Variants in PRKAR1B observed in about 807,000 individuals in gnomAD.
PRKAR1B encodes the protein cAMP-dependent protein kinase type I-beta regulatory subunit.
In PRKAR1B, 22 loss-of-function variants were observed where a neutral mutation model predicts 46.5. The observed-to-expected ratio is 0.47, with a 90% CI of 0.34 to 0.68. The LOEUF (loss-of-function observed/expected upper bound fraction) is 0.68. Among genes scored for constraint, PRKAR1B ranks in the 30% least tolerant of loss-of-function variants. The pLI is 0.01. For missense variants in PRKAR1B, 445 were observed against 535.6 expected, an observed-to-expected ratio of 0.83 and a Z score of 1.67; for synonymous variants, 259 against 217.7, an observed-to-expected ratio of 1.19 and a Z score of -1.67.
chr7:581,302 CAAAAAA>C (rs758386135), intron 8 of PRKAR1B, among the ~76,000 whole-genome samples: 40,581 of 102,806 alleles, frequency 0.39, 6,710 homozygotes, highest in Non-Finnish European at 0.46. Context: ...CACTCTGTCT[CAAAAAA>C]AAAAAAAAAA....
intron 7 of PRKAR1B, among the ~76,000 whole-genome samples, chr7:586,027 G>C (rs1198649921): frequency 6.6e-6 from 1 of 152,114 alleles, no homozygotes; most frequent in Non-Finnish European, 1.5e-5. Flanking sequence ...TTCTGAACAT[G>C]TCCCTCCCCT....
At chr7:665,836 G>A (rs1487487163) in intron 4 of PRKAR1B, among the ~76,000 whole-genome samples, 2 of 152,192 alleles carry the variant, frequency 1.3e-5, no homozygotes, top group South Asian at 2.1e-4. Flanking sequence ...CTGAGGATCC[G>A]AGCCAGTTTG....
intron 7 of PRKAR1B, among the ~76,000 whole-genome samples, chr7:591,782 G>C (rs1780992220): frequency 6.6e-6 from 1 of 152,168 alleles, no homozygotes; most frequent in Admixed American, 6.5e-5. Flanking sequence ...GGTGATGCCT[G>C]ACCCTCCCCA....
intron 4 of PRKAR1B, among the ~76,000 whole-genome samples, chr7:623,452 G>A (rs959914167): frequency 3.3e-4 from 51 of 152,286 alleles, no homozygotes; most frequent in African/African-American, 1.2e-3. Flanking sequence ...AGCCAGAACC[G>A]ATCACCCACC....
intron 4 of PRKAR1B, among the ~76,000 whole-genome samples, chr7:665,341 C>T (rs567988686): frequency 2.6e-5 from 4 of 152,178 alleles, no homozygotes; most frequent in Non-Finnish European, 5.9e-5. Flanking sequence ...GGTGGCCCGA[C>T]GCAGCCTGCT....
intron 7 of PRKAR1B, among the ~76,000 whole-genome samples, chr7:594,359 C>T (rs1050336673): frequency 2.6e-5 from 4 of 152,266 alleles, no homozygotes; most frequent in South Asian, 2.1e-4. Context: ...CCTCCTCGGC[C>T]GGGCTGGACC....
chr7:715,379 G>A (rs1329887057), intron 1 of PRKAR1B, among the ~76,000 whole-genome samples: 3 of 152,158 alleles, frequency 2.0e-5, no homozygotes, highest in South Asian at 4.2e-4. Context: ...GAGGAGCTGC[G>A]CTTGGTCATC....
At chr7:669,166 T>C (rs781056355) in intron 4 of PRKAR1B, among the ~76,000 whole-genome samples, 4 of 152,214 alleles carry the variant, frequency 2.6e-5, no homozygotes, top group Non-Finnish European at 5.9e-5. Context: ...AGAGCATTGA[T>C]ACATGCTATG....
chr7:711,354 C>T lies in PRKAR1B; in HGVS notation c.152G>A (p.Arg51Gln), dbSNP rs1780617318. The T allele has an allele frequency of 6.2e-7, 1 of 1,614,172 alleles. No individual in the cohort carries two copies. Among genetic ancestry groups the T allele is most frequent in the South Asian group, 1.1e-5 (1 of 91,082 alleles). Reference protein sequence around the residue: ...SKPERPMKFLREHFEKLEKEE... With the variant: ...SKPERPMKFLQEHFEKLEKEE... ...CTTCTCCAGCTTCTCGAAGTGCTCC[C>T]GGAGGAACTTCATGGGGCGTTCGGG... Residue 51 changes from arginine (R) to glutamine (Q), a missense_variant, in exon 2 of 11, where the codon CGG (arginine) becomes CAG (glutamine). This residue lies in a region of PRKAR1B where 155 missense variants were observed against 127.5 expected (regional missense o/e 1.22). Coordinates refer to ENST00000537384, the MANE Select transcript of PRKAR1B (RefSeq NM_001164760.2).
At chr7:647,066 C>T (rs904616073) in intron 4 of PRKAR1B, among the ~76,000 whole-genome samples, 5 of 152,290 alleles carry the variant, frequency 3.3e-5, no homozygotes, top group East Asian at 3.9e-4. Flanking sequence ...GGGCATGGGA[C>T]GCAACATGGC....
chr7:560,389 T>TAATAATAATAATAATAATAAA lies in PRKAR1B; in HGVS notation c.892-8920_892-8919insTTTATTATTATTATTATTATT, dbSNP rs917607162. Among the ~76,000 whole-genome samples, 5 of 146,218 alleles carry TAATAATAATAATAATAATAAA rather than the reference T, an allele frequency of 3.4e-5. No individual in the cohort carries two copies. Among genetic ancestry groups the TAATAATAATAATAATAATAAA allele is most frequent in the African/African-American group, 1.3e-4 (5 of 38,970 alleles). On this transcript the variant is annotated intron_variant, in intron 9 of 10. Coordinates refer to ENST00000537384, the MANE Select transcript of PRKAR1B (RefSeq NM_001164760.2). This position sits in a 1 kb window ranked among gnomAD's most constrained non-coding sequence, Gnocchi z 4.2. ...ATAATAATAATAATAATAATAATAA[T>TAATAATAATAATAATAATAAA]AAATATATTTTAAAAGAAACTTTGT... is the stretch of plus-strand genomic sequence containing the variant.
chr7:694,556 A>G (rs1266985485), intron 2 of PRKAR1B, among the ~76,000 whole-genome samples: 1 of 151,928 alleles, frequency 6.6e-6, no homozygotes, highest in Non-Finnish European at 1.5e-5. Flanking sequence ...TCCTACATAT[A>G]CTTTAAAGCC....
chr7:712,674 G>T (rs1225782880), intron 1 of PRKAR1B: 1 of 102,256 alleles, frequency 9.8e-6, no homozygotes, highest in Non-Finnish European at 2.0e-5. Flanking sequence ...CCCCACCGGC[G>T]CAGGTTCAGG....
chr7:571,478 G>C (rs917887727), intron 9 of PRKAR1B, among the ~76,000 whole-genome samples: 1 of 152,222 alleles, frequency 6.6e-6, no homozygotes, highest in Admixed American at 6.5e-5. Context: ...CAGGCCCAAG[G>C]GCAGCTTTGC....
chr7:623,835 G>A (rs1783238172), intron 4 of PRKAR1B, among the ~76,000 whole-genome samples: 3 of 152,220 alleles, frequency 2.0e-5, no homozygotes, highest in Admixed American at 6.5e-5. Flanking sequence ...AGAGAAGCGC[G>A]TGAATGGCCA....
In PRKAR1B at chr7:714,133, A is replaced by G. The variant is rs1264657210; in HGVS notation, c.-22-2606T>C. On this transcript the variant is annotated intron_variant, in intron 1 of 10. Transcript: ENST00000537384. This position sits in a 1 kb window ranked among gnomAD's most constrained non-coding sequence, Gnocchi z 4.3. The stretch of plus-strand genomic sequence containing the variant: ...CCTGCTCCTCCAGGGTAGACTGGTG[A>G]GGACAGCAAAAAAGACCCAGGTGCC... Among the ~76,000 whole-genome samples the G allele has an allele frequency of 1.3e-5, 2 of 152,096 alleles. No homozygotes were observed. Among genetic ancestry groups the G allele is most frequent in the African/African-American group, 4.8e-5 (2 of 41,400 alleles).
intron 2 of PRKAR1B, among the ~76,000 whole-genome samples, chr7:681,406 T>C (rs1778678875): frequency 6.6e-6 from 1 of 152,070 alleles, no homozygotes; most frequent in South Asian, 2.1e-4. Context: ...TTTCTGTGTA[T>C]GTACCAGTTT....
intron 2 of PRKAR1B, among the ~76,000 whole-genome samples, chr7:700,203 A>G (rs1181065305): frequency 6.6e-6 from 1 of 152,176 alleles, no homozygotes; most frequent in Non-Finnish European, 1.5e-5. Context: ...CAAGCAAAAC[A>G]ATGTCCAAGT....
chr7:724,524 G>T (rs2048508124), intron 1 of PRKAR1B, among the ~76,000 whole-genome samples: 1 of 152,198 alleles, frequency 6.6e-6, no homozygotes, highest in African/African-American at 2.4e-5. Flanking sequence ...CAGCCATGTG[G>T]AACTGTGAGT....
Sources: gnomAD v4.1 joint callset for allele counts (sites outside exome capture counted in the v4.1 genomes callset) on GRCh38, gnomAD v4.1.1 for gene constraint, gnomAD v4.1.1 regional missense constraint, Gnocchi (gnomAD v3.1) non-coding constraint, MANE v1.5 for transcripts, NCBI Gene and HGNC (gene_info 2026-07-23, HGNC 2026-07-21) for gene names.